Variants in ACOT12 observed in about 807,000 individuals in gnomAD.
The protein encoded by ACOT12 is acetyl-coenzyme A thioesterase.
A neutral mutation model predicts 67.7 loss-of-function variants in ACOT12; 51 were observed. The ratio of observed to expected loss-of-function variants is 0.75; its 90% CI spans 0.60 to 0.95. ACOT12 has a LOEUF of 0.95. Among genes scored for constraint, ACOT12 ranks in the 40% least tolerant of loss-of-function variants. ACOT12 has a pLI of 0.00. For missense variants in ACOT12, 734 were observed against 708.1 expected (o/e 1.04, Z -0.41); for synonymous variants, 251 against 244.6 (o/e 1.03, Z -0.24).
chr5:81,330,601 G>T, intron 14 of ACOT12, 58 bp from the exon 15 acceptor site: 4 of 1,581,268 alleles, frequency 2.5e-6, no homozygotes, highest in Non-Finnish European at 3.5e-6. Context: ...GCTTTTTCAA[G>T]AAAGGATCTG....
At chr5:81,319,414 C>T in the ACOT12 span, among the ~76,000 whole-genome samples, 47 of 152,292 alleles carry the variant, frequency 3.1e-4, no homozygotes, top group South Asian at 9.1e-3. Flanking sequence ...ATCTTCAACA[C>T]TTTCAAAAGA....
In ACOT12 at chr5:81,342,757, T is replaced by C. The variant is rs1759239834; in HGVS notation, c.1045-2A>G. ...CACATTGCTGTCACTCAGGGATGCCTAGAATAGAAATATTATATTTTTAAA... is the reference window on the plus strand; with the variant it reads ...CACATTGCTGTCACTCAGGGATGCCCAGAATAGAAATATTATATTTTTAAA... On this transcript the variant is annotated splice_acceptor_variant, in intron 10 of 14. Coordinates refer to ENST00000307624, the MANE Select transcript of ACOT12 (RefSeq NM_130767.3). LOFTEE classifies it high-confidence loss of function. 6.2e-7 allele frequency: 1 copy of C among 1,613,542 alleles called. No individual in the cohort carries two copies. Among genetic ancestry groups the C allele is most frequent in the African/African-American group, 1.3e-5 (1 of 74,914 alleles).
chr5:81,356,585 T>C (rs1759721818), intron 5 of ACOT12, among the ~76,000 whole-genome samples: 1 of 152,122 alleles, frequency 6.6e-6, no homozygotes, highest in Non-Finnish European at 1.5e-5. Context: ...TCAGACTCCA[T>C]ATGCCTAAAA....
At chr5:81,390,611 C>G (rs1228016184) in intron 1 of ACOT12, among the ~76,000 whole-genome samples, 1 of 151,028 alleles carries the variant, frequency 6.6e-6, no homozygotes, top group Non-Finnish European at 1.5e-5. Context: ...TCAAGTGATT[C>G]TCCTGCCTCA....
At chr5:81,342,882 G>A (rs1344675287) in intron 10 of ACOT12, 127 bp from the exon 11 acceptor site, 30 of 976,094 alleles carry the variant, frequency 3.1e-5, no homozygotes, top group Middle Eastern at 3.2e-4. Flanking sequence ...ATAATGTTGA[G>A]TTTAGAACTA....
At chr5:81,359,667 C>T (rs1759840700) in intron 5 of ACOT12, among the ~76,000 whole-genome samples, 1 of 152,194 alleles carries the variant, frequency 6.6e-6, no homozygotes, top group African/African-American at 2.4e-5. Flanking sequence ...GTCCCTGTCA[C>T]CCTTTTTCCC....
chr5:81,308,898 A>G, the ACOT12 span: 169 of 1,505,858 alleles, frequency 1.1e-4, 1 homozygote, highest in East Asian at 3.5e-3. Flanking sequence ...TAATTTTATG[A>G]CTTGCCATAT....
At chr5:81,339,984 C>T (rs1350298352) in intron 11 of ACOT12, among the ~76,000 whole-genome samples, 3 of 151,662 alleles carry the variant, frequency 2.0e-5, no homozygotes, top group South Asian at 2.1e-4. Context: ...CTCAGATTCC[C>T]GAGTAGCTGG....
At chr5:81,386,994 CATTTTTTT>C (rs1561354109) in intron 1 of ACOT12, among the ~76,000 whole-genome samples, 2 of 128,480 alleles carry the variant, frequency 1.6e-5, no homozygotes, top group Non-Finnish European at 3.1e-5. Flanking sequence ...GGATGAGTTC[CATTTTTTT>C]TTTTTTTTTT....
At chr5:81,390,046 C>A (rs13181707) in intron 1 of ACOT12, among the ~76,000 whole-genome samples, 1 of 150,244 alleles carries the variant, frequency 6.7e-6, no homozygotes, top group South Asian at 2.2e-4. Flanking sequence ...CCTCGACCTC[C>A]CAGGCTCAAG....
chr5:81,379,572 A>G (rs1220561890), intron 2 of ACOT12, among the ~76,000 whole-genome samples: 1 of 152,166 alleles, frequency 6.6e-6, no homozygotes, highest in Non-Finnish European at 1.5e-5. Flanking sequence ...GGTGGGCATT[A>G]TCATTCCCAT....
chr5:81,370,454 A>G (rs1760215147), intron 3 of ACOT12, among the ~76,000 whole-genome samples: 1 of 152,222 alleles, frequency 6.6e-6, no homozygotes, highest in South Asian at 2.1e-4. Context: ...TGCAGATGTA[A>G]TTAGTTAAGA....
At chr5:81,375,197 A>G (rs1223944913) in intron 2 of ACOT12, among the ~76,000 whole-genome samples, 2 of 152,250 alleles carry the variant, frequency 1.3e-5, no homozygotes, top group Non-Finnish European at 2.9e-5. Context: ...CAACATTCTT[A>G]AAGAAAAGAA....
chr5:81,385,762 T>A lies in ACOT12; in HGVS notation c.192A>T (p.Thr64=), dbSNP rs761945006. 3 of 1,613,960 alleles carry A rather than the reference T, an allele frequency of 1.9e-6. No individual in the cohort carries two copies. In the African/African-American group the frequency reaches 4.0e-5, roughly 22 times the overall value. Residue 64 remains threonine, a synonymous_variant, in exon 2 of 15, where the codon ACA becomes ACT. Coordinates refer to ENST00000307624, the MANE Select transcript of ACOT12 (RefSeq NM_130767.3). ...ASVDDIQFEE[T]ARVGQVITIK... is the part of the protein sequence containing the mutation. ...CATGGAGCAATGTCACTTACCTAGC[T>A]GTCTCCTCAAACTGTATGTCATCCA...
At chr5:81,351,058 GTGTTTGCAAAGA>G (rs1038605151) in intron 5 of ACOT12, among the ~76,000 whole-genome samples, 1 of 152,184 alleles carries the variant, frequency 6.6e-6, no homozygotes, top group Non-Finnish European at 1.5e-5. Context: ...CTGCTGAGAT[GTGTTTGCAAAGA>G]TGTTTGTAAA....
the ACOT12 span, among the ~76,000 whole-genome samples, chr5:81,322,028 C>T: frequency 3.3e-5 from 5 of 151,826 alleles, no homozygotes; most frequent in Admixed American, 6.6e-5. Context: ...ATGCTGAGAT[C>T]GATATATGTG....
chr5:81,344,275 C>T, intron 8 of ACOT12, 60 bp from the exon 9 acceptor site: 2 of 1,515,990 alleles, frequency 1.3e-6, no homozygotes, highest in Non-Finnish European at 9.0e-7. Flanking sequence ...TATCTTAGTG[C>T]TATAATCCTT....
At chr5:81,385,693 C>G (rs1445266019) in intron 2 of ACOT12, 64 bp downstream of exon 2, 1 of 1,482,208 alleles carries the variant, frequency 6.7e-7, no homozygotes, top group Admixed American at 1.7e-5. Flanking sequence ...CAGGTGCCAC[C>G]AATACATGTC....
chr5:81,327,806 A>C (rs932275295), downstream of ACOT12, among the ~76,000 whole-genome samples: 8 of 152,122 alleles, frequency 5.3e-5, no homozygotes, highest in Non-Finnish European at 1.2e-4. Context: ...CTTACCATCA[A>C]AAAAACAGCA....
Sources: gnomAD v4.1 joint callset for allele counts (sites outside exome capture counted in the v4.1 genomes callset) on GRCh38, gnomAD v4.1.1 for gene constraint, MANE v1.5 for transcripts, NCBI Gene and HGNC (gene_info 2026-07-23, HGNC 2026-07-21) for gene names.